RARS2: variants seen among roughly 807,000 people sequenced by gnomAD.
RARS2 encodes arginyl-tRNA synthetase 2, mitochondrial.
Under a neutral mutation model 88.5 loss-of-function variants are expected in RARS2, and 67 were observed. The observed-to-expected ratio is 0.76, with a 90% CI of 0.62 to 0.93. The LOEUF (loss-of-function observed/expected upper bound fraction) is 0.93. Among genes scored for constraint, RARS2 ranks in the 40% least tolerant of loss-of-function variants. The pLI is 0.00. For synonymous variants in RARS2, 239 were observed against 230.3 expected, an observed-to-expected ratio of 1.04 and a Z score of -0.34; for missense variants, 664 against 684.2, an observed-to-expected ratio of 0.97 and a Z score of 0.33.
At chr6:87,551,675 G>A (rs1228260867) in intron 5 of RARS2, among the ~76,000 whole-genome samples, 2 of 141,358 alleles carry the variant, frequency 1.4e-5, no homozygotes, top group Non-Finnish European at 3.1e-5. Flanking sequence ...CCAGATAAGA[G>A]GCCAGAGAAA....
In RARS2 at chr6:87,531,044, A is replaced by C; in HGVS notation, c.613-102T>G. ...AGCACATTCTGAGAATTCTCATTTA[A>C]AATTTTCCAAGTTGGGTACATTACA... On this transcript the variant is annotated intron_variant, in intron 8 of 19. Transcript: ENST00000369536. 3 of 1,550,234 alleles carry C rather than the reference A, an allele frequency of 1.9e-6. No homozygotes were observed. The East Asian group carries it at 7.0e-5, about 36-fold the overall frequency.
intron 4 of RARS2, among the ~76,000 whole-genome samples, chr6:87,560,189 T>TTA (rs1787404360): frequency 1.3e-5 from 2 of 152,262 alleles, no homozygotes; most frequent in African/African-American, 4.8e-5. Context: ...CAAGTCTGTT[T>TTA]TATTTAAACC....
intron 5 of RARS2, among the ~76,000 whole-genome samples, chr6:87,548,996 T>C (rs1783498348): frequency 6.6e-6 from 1 of 152,170 alleles, no homozygotes; most frequent in East Asian, 1.9e-4. Flanking sequence ...GGAAGACTGC[T>C]TGAGGCCAGA....
At chr6:87,546,982 G>C (rs1446893329) in intron 6 of RARS2, among the ~76,000 whole-genome samples, 2 of 152,172 alleles carry the variant, frequency 1.3e-5, no homozygotes, top group Non-Finnish European at 2.9e-5. Context: ...TCTGGAATTA[G>C]ACTGCCTAAT....
intron 8 of RARS2, among the ~76,000 whole-genome samples, chr6:87,531,629 G>C (rs1447112119): frequency 1.3e-5 from 2 of 152,068 alleles, no homozygotes; most frequent in African/African-American, 4.8e-5. Context: ...GTTTTATTTT[G>C]CATCACCTGT....
chr6:87,562,784 A>G lies in RARS2; in HGVS notation c.215T>C (p.Leu72Pro). 1 of 1,611,376 alleles carries G rather than the reference A, an allele frequency of 6.2e-7. No homozygotes were observed. Among genetic ancestry groups the G allele is most frequent in the Non-Finnish European group, 8.5e-7 (1 of 1,177,520 alleles). Residue 72 changes from leucine to proline, a missense_variant and splice_region_variant, in exon 4 of 20, where the codon CTA becomes CCA. Physicochemically the swap from Leu to Pro is moderately conservative, Grantham distance 98. Transcript: ENST00000369536. ...QVQAKRLAEK[L>P]RCDTVVSEIS... ...TTCACTCACCACTGTATCACATCTTAGCTGAAAAGAACAAATCACACAAAG... is the reference window on the plus strand; with the variant it reads ...TTCACTCACCACTGTATCACATCTTGGCTGAAAAGAACAAATCACACAAAG...
chr6:87,517,291 A>C (rs574554227), intron 17 of RARS2, among the ~76,000 whole-genome samples: 1 of 152,176 alleles, frequency 6.6e-6, no homozygotes, highest in East Asian at 1.9e-4. Flanking sequence ...AAAAAAGAAG[A>C]GTAGAAGGAT....
At chr6:87,529,745 C>T (rs1443220419) in intron 9 of RARS2, 97 bp from the exon 10 acceptor site, 4 of 789,144 alleles carry the variant, frequency 5.1e-6, no homozygotes, top group Non-Finnish European at 9.0e-6. Flanking sequence ...ACCTGTCACA[C>T]ACATGAACAC....
At chr6:87,520,416 T>G (rs1311048602) in intron 12 of RARS2, among the ~76,000 whole-genome samples, 160 bp from the exon 13 acceptor site, 3 of 152,114 alleles carry the variant, frequency 2.0e-5, no homozygotes, top group African/African-American at 7.2e-5. Flanking sequence ...AAGAAGAGTG[T>G]CTAAGTGGAC....
intron 1 of RARS2, among the ~76,000 whole-genome samples, chr6:87,587,647 T>C (rs1775572860): frequency 6.6e-6 from 1 of 152,212 alleles, no homozygotes; most frequent in Non-Finnish European, 1.5e-5. Context: ...TCTGTGGATC[T>C]CAACTGACTC....
At chr6:87,568,371 G>T (rs968902893) in intron 2 of RARS2, among the ~76,000 whole-genome samples, 6 of 152,176 alleles carry the variant, frequency 3.9e-5, no homozygotes, top group African/African-American at 1.4e-4. Flanking sequence ...ATAGTGGCGT[G>T]AGCCTGTAGT....
At chr6:87,523,486 A>G (rs982650973) in intron 11 of RARS2, among the ~76,000 whole-genome samples, 3 of 152,238 alleles carry the variant, frequency 2.0e-5, no homozygotes, top group Admixed American at 2.0e-4. Context: ...AAACATTTCA[A>G]TAAGTGGCAA....
In RARS2 at chr6:87,521,093, G is replaced by GA. The variant is rs1773678141; in HGVS notation, c.1035+370dup. ...TATGGTTATGTACTATCTTTGGGGG[G>GA]AAACACCGTACTATTTTGAAACTTC... is the stretch of plus-strand genomic sequence containing the variant. On this transcript the variant is annotated intron_variant, in intron 12 of 19. Transcript: ENST00000369536. Among the ~76,000 whole-genome samples, 3 of 152,102 alleles carry GA rather than the reference G, an allele frequency of 2.0e-5. 1 individual carries two copies. Among genetic ancestry groups the GA allele is most frequent in the African/African-American group, 7.2e-5 (3 of 41,462 alleles).
intron 4 of RARS2, among the ~76,000 whole-genome samples, chr6:87,560,564 T>C (rs939464753): frequency 2.0e-5 from 3 of 152,216 alleles, no homozygotes; most frequent in Admixed American, 2.0e-4. Context: ...CTAACAAGAA[T>C]CGAATTTTTT....
At chr6:87,528,669 T>C (rs1226467251) in intron 10 of RARS2, among the ~76,000 whole-genome samples, 4 of 152,224 alleles carry the variant, frequency 2.6e-5, no homozygotes, top group Admixed American at 2.6e-4. Flanking sequence ...GTCTCACATG[T>C]GGAATCTAAA....
chr6:87,533,076 TTATTTTCACAAAAGAGTTTAGTTTC>T, intron 8 of RARS2, among the ~76,000 whole-genome samples: 1 of 152,204 alleles, frequency 6.6e-6, no homozygotes, highest in African/African-American at 2.4e-5. Context: ...CAAAATGTCT[TTATTTTCACAAAAGAGTTTAGTTTC>T]TTTTTTTTTT....
chr6:87,567,832 C>T (rs184833545), intron 2 of RARS2, among the ~76,000 whole-genome samples: 1 of 152,104 alleles, frequency 6.6e-6, no homozygotes, highest in East Asian at 1.9e-4. Context: ...AGTGCAGTGG[C>T]GAGATCTCGG....
intron 11 of RARS2, among the ~76,000 whole-genome samples, chr6:87,522,332 T>C (rs1582308521): frequency 1.5e-5 from 1 of 66,586 alleles, no homozygotes; most frequent in South Asian, 4.1e-4. Context: ...ACCGTCTCAA[T>C]TAAAAAAAAA....
intron 1 of RARS2, among the ~76,000 whole-genome samples, chr6:87,582,187 C>T (rs34581348): frequency 6.6e-6 from 1 of 152,330 alleles, no homozygotes; most frequent in East Asian, 1.9e-4. Context: ...ATGACACTGT[C>T]TTCCACAATG....
Sources: gnomAD v4.1 joint callset for allele counts (sites outside exome capture counted in the v4.1 genomes callset) on GRCh38, gnomAD v4.1.1 for gene constraint, MANE v1.5 for transcripts, NCBI Gene and HGNC (gene_info 2026-07-23, HGNC 2026-07-21) for gene names.